Variants in DLAT observed in about 807,000 individuals in gnomAD.
DLAT encodes dihydrolipoyllysine-residue acetyltransferase component of pyruvate dehydrogenase complex, mitochondrial.
In DLAT, 43 loss-of-function variants were observed where a neutral mutation model predicts 68.0. That is an observed-to-expected ratio of 0.63 (90% CI 0.50 to 0.81). DLAT has a LOEUF of 0.81. DLAT is among the 40% of genes least tolerant of loss of function. The pLI, the probability that DLAT is intolerant of heterozygous loss-of-function variation, is 0.00. For synonymous variants in DLAT, 265 were observed against 288.6 expected (o/e 0.92, Z 0.83); for missense variants, 745 against 815.4 (o/e 0.91, Z 1.05).
At chr11:112,054,624 G>A (rs587622650) in intron 11 of DLAT, among the ~76,000 whole-genome samples, 4 of 152,118 alleles carry the variant, frequency 2.6e-5, no homozygotes, top group African/African-American at 9.6e-5. Flanking sequence ...CTTTTCCTTG[G>A]TCATTCTTCA....
At chr11:112,029,295 C>T (rs1236544505) in intron 4 of DLAT, among the ~76,000 whole-genome samples, 1 of 152,158 alleles carries the variant, frequency 6.6e-6, no homozygotes, top group African/African-American at 2.4e-5. Context: ...GTCTGTTTTA[C>T]TTTGGCATGA....
chr11:112,038,208 G>A (rs1862873030), intron 6 of DLAT, among the ~76,000 whole-genome samples: 1 of 151,978 alleles, frequency 6.6e-6, no homozygotes, highest in African/African-American at 2.4e-5. Context: ...TTCTTTTGTT[G>A]TTGTTGTTGA....
intron 6 of DLAT, among the ~76,000 whole-genome samples, chr11:112,038,455 T>A (rs1174252134): frequency 6.6e-6 from 1 of 150,494 alleles, no homozygotes; most frequent in Non-Finnish European, 1.5e-5. Flanking sequence ...CACCTCGGCC[T>A]CCCAAAGTGC....
In DLAT at chr11:112,028,808, G is replaced by A; in HGVS notation, c.523G>A (p.Ala175Thr). 1 of 1,614,032 alleles carries A rather than the reference G, an allele frequency of 6.2e-7. No individual in the cohort carries two copies. Residue 175 changes from alanine (A) to threonine (T), a missense_variant, in exon 4 of 14, where the codon GCC becomes ACC. By Grantham distance (58) the Ala-to-Thr change is moderately conservative. Coordinates refer to ENST00000280346, the MANE Select transcript of DLAT (RefSeq NM_001931.5). ...CTTCCTTAGGCCTGAGGATATTGAG[G>A]CCTTTAAAAATTATACACTGGATTC... ...ITVGKPEDIE[A>T]FKNYTLDSSA...
rs1592648909 is a variant in DLAT at position 112,025,536 on chromosome 11, T to C, written c.64T>C (p.Trp22Arg). ...VAPWAGLEARWTALQEVPGTP... is the reference protein window; with the variant it reads ...VAPWAGLEARRTALQEVPGTP... ...CCCATGGGCGGGACTCGAGGCTCGGTGGACGGCCTTGCAGGAGGTACCCGG... is the reference window on the plus strand; with the variant it reads ...CCCATGGGCGGGACTCGAGGCTCGGCGGACGGCCTTGCAGGAGGTACCCGG... The change falls in exon 1 of 14, where the codon TGG (tryptophan) becomes CGG (arginine). Residue 22 changes from tryptophan (W) to arginine (R), a missense_variant. Trp to Arg is a moderately radical substitution (Grantham distance 101). Transcript: ENST00000280346. 1 of 1,613,934 alleles carries C rather than the reference T, an allele frequency of 6.2e-7. No homozygotes were observed. Among genetic ancestry groups the C allele is most frequent in the African/African-American group, 1.3e-5 (1 of 75,020 alleles).
In DLAT at chr11:112,062,763, C is replaced by T. The variant is rs1447802023; in HGVS notation, c.*228C>T. 18 of 500,256 alleles carry T rather than the reference C, an allele frequency of 3.6e-5. No individual in the cohort carries two copies. Among genetic ancestry groups the T allele is most frequent in the Non-Finnish European group, 5.4e-5 (15 of 279,698 alleles). 31.0% of individuals were successfully genotyped at this position (500,256 alleles called of 1,614,324 possible). The stretch of plus-strand genomic sequence containing the variant: ...GACACCAGATTTTTAGCTCTGTACT[C>T]CTAATTAAGGGACATGTATGTGGCC... On this transcript the variant is annotated 3_prime_UTR_variant, in exon 14 of 14. Transcript: ENST00000280346.
At chr11:112,041,787 C>A (rs903487805) in intron 7 of DLAT, among the ~76,000 whole-genome samples, 1 of 151,846 alleles carries the variant, frequency 6.6e-6, no homozygotes, top group Non-Finnish European at 1.5e-5. Flanking sequence ...GAGGCTGAGG[C>A]AGGAGAATGG....
chr11:112,043,954 T>C (rs1555181219), intron 8 of DLAT, among the ~76,000 whole-genome samples: 2 of 152,222 alleles, frequency 1.3e-5, no homozygotes, highest in African/African-American at 4.8e-5. Flanking sequence ...ATATTTTTGA[T>C]TTGCCTTTGG....
At chr11:112,043,442 A>G (rs1555181161) in intron 7 of DLAT, 24 bp from the exon 8 acceptor site, 2 of 1,605,122 alleles carry the variant, frequency 1.2e-6, no homozygotes, top group Admixed American at 1.7e-5. Flanking sequence ...GTCATCATGT[A>G]TGTGATATTT....
intron 7 of DLAT, among the ~76,000 whole-genome samples, chr11:112,041,797 G>A (rs1028451628): frequency 6.6e-6 from 1 of 152,076 alleles, no homozygotes; most frequent in African/African-American, 2.4e-5. Context: ...CAGGAGAATG[G>A]CGTGAACCTG....
intron 11 of DLAT, among the ~76,000 whole-genome samples, chr11:112,055,278 C>G (rs986251933): frequency 8.6e-6 from 1 of 116,448 alleles, no homozygotes; most frequent in Non-Finnish European, 1.6e-5. Context: ...GAGTCCTGCT[C>G]TGTCGCCCAG....
chr11:112,051,338 A>G lies in DLAT; in HGVS notation c.1503A>G (p.Thr501=), dbSNP rs782587779. ...VPEANSSWMD[T]VIRQNHVVDV... ...AAGCAAATTCTTCTTGGATGGACAC[A>G]GTTATAAGACAGTAAGTATAACTGG... Residue 501 remains threonine (T), a synonymous_variant, in exon 11 of 14, where the codon ACA becomes ACG. Coordinates refer to ENST00000280346, the MANE Select transcript of DLAT (RefSeq NM_001931.5). This position sits in a 1 kb window ranked among gnomAD's most constrained non-coding sequence, Gnocchi z 4.3. 15 of 1,609,756 alleles carry G rather than the reference A, an allele frequency of 9.3e-6. No individual in the cohort carries two copies. In the African/African-American group the frequency reaches 1.2e-4, roughly 13 times the overall value.
intron 5 of DLAT, among the ~76,000 whole-genome samples, chr11:112,036,167 ATGTGTGTGTGTGTGTGTG>A (rs1311809853): frequency 1.2e-5 from 1 of 82,540 alleles, no homozygotes; most frequent in Non-Finnish European, 2.1e-5. Context: ...GTGTGTATAT[ATGTGTGTGTGTGTGTGTG>A]TGTGTGTGTG....
At chr11:112,031,154 C>T (rs1862371159) in intron 4 of DLAT, among the ~76,000 whole-genome samples, 1 of 152,154 alleles carries the variant, frequency 6.6e-6, no homozygotes, top group Non-Finnish European at 1.5e-5. Flanking sequence ...AAAGCACTTA[C>T]AATTTTTTTT....
chr11:112,028,267 A>T (rs587692354), intron 2 of DLAT, among the ~76,000 whole-genome samples: 1 of 152,126 alleles, frequency 6.6e-6, no homozygotes, highest in East Asian at 1.9e-4. Context: ...AAAAATACAA[A>T]AATCAGCCGG....
intron 7 of DLAT, 34 bp downstream of exon 7, chr11:112,039,431 G>C: frequency 6.2e-7 from 1 of 1,611,000 alleles, no homozygotes; most frequent in South Asian, 1.1e-5. Context: ...ACTTTATAAA[G>C]TTAAAATTTA....
At chr11:112,055,849 T>C (rs12793141) in intron 11 of DLAT, among the ~76,000 whole-genome samples, 1 of 35,088 alleles carries the variant, frequency 2.8e-5, no homozygotes, top group African/African-American at 1.4e-4. Context: ...ATATAGACAC[T>C]TTTTTTTTTT....
intron 10 of DLAT, among the ~76,000 whole-genome samples, chr11:112,047,153 C>G (rs192300318): frequency 6.6e-5 from 10 of 152,284 alleles, no homozygotes; most frequent in Admixed American, 1.3e-4. Context: ...TTAGTGATCG[C>G]CATTGTAACT....
chr11:112,035,649 C>T (rs188202305), intron 5 of DLAT, among the ~76,000 whole-genome samples: 140 of 151,760 alleles, frequency 9.2e-4, no homozygotes, highest in Non-Finnish European at 1.3e-3. Flanking sequence ...CCACTACGCC[C>T]GGCTAATTTT....
Sources: allele counts gnomAD v4.1 joint callset (sites outside exome capture counted in the v4.1 genomes callset), GRCh38; gene constraint gnomAD v4.1.1; non-coding constraint Gnocchi (gnomAD v3.1); transcripts MANE v1.5; gene names NCBI Gene and HGNC (gene_info 2026-07-23, HGNC 2026-07-21).